Variants in AGBL1 observed in about 807,000 individuals in gnomAD.
The protein encoded by AGBL1 is cytosolic carboxypeptidase 4.
A neutral mutation model predicts 118.9 loss-of-function variants in AGBL1; 130 were observed. The ratio of observed to expected loss-of-function variants is 1.09; its 90% CI spans 0.95 to 1.26. The LOEUF (loss-of-function observed/expected upper bound fraction) is 1.26, where lower values mean the gene tolerates loss of function less well. Among genes scored for constraint, AGBL1 ranks in the 50% most tolerant of loss-of-function variants. AGBL1 has a pLI of 0.00. For synonymous variants in AGBL1, 555 were observed against 478.9 expected, an observed-to-expected ratio of 1.16 and a Z score of -2.08; for missense variants, 1,584 against 1,298.1, an observed-to-expected ratio of 1.22 and a Z score of -3.38.
At chr15:86,540,236 A>G (rs934804464) in intron 19 of AGBL1, among the ~76,000 whole-genome samples, 2 of 152,142 alleles carry the variant, frequency 1.3e-5, no homozygotes, top group African/African-American at 4.8e-5. Context: ...TAAAATTTTA[A>G]CTTCTCCTAT....
intron 17 of AGBL1, among the ~76,000 whole-genome samples, chr15:86,352,707 C>T (rs958641703): frequency 6.6e-6 from 1 of 152,146 alleles, no homozygotes; most frequent in Non-Finnish European, 1.5e-5. Context: ...GTCTCGAACT[C>T]TTGACCTCAA....
At chr15:86,579,656 A>G (rs1357535884) in intron 21 of AGBL1, among the ~76,000 whole-genome samples, 2 of 152,220 alleles carry the variant, frequency 1.3e-5, no homozygotes, top group Non-Finnish European at 2.9e-5. Context: ...GTAAGAATCC[A>G]TTGATAAGAT....
intron 17 of AGBL1, among the ~76,000 whole-genome samples, chr15:86,380,622 C>T (rs16976564): frequency 0.32 from 47,423 of 149,454 alleles, 8,149 homozygotes; most frequent in East Asian, 0.72. Context: ...ATTCTCTCTG[C>T]TTCTTTGGTG....
In AGBL1 at chr15:86,613,964, TG is replaced by T. The variant is rs1567083979; in HGVS notation, c.2994+59431del. ...ATTCCTTTCCATCTCCTAAGGGAGG[TG>T]GGGTAATGTGCTGCTGCAAACTTTG... is the stretch of plus-strand genomic sequence containing the variant. On this transcript the variant is annotated intron_variant, in intron 21 of 22. Transcript: ENST00000614907. The surrounding 1 kb of genome is among the most constrained non-coding windows in gnomAD (Gnocchi z 4.2). Among the ~76,000 whole-genome samples the T allele has an allele frequency of 6.6e-6, 1 of 151,964 alleles. No homozygotes were observed. Among genetic ancestry groups the T allele is most frequent in the African/African-American group, 2.4e-5 (1 of 41,350 alleles).
rs927337707 is a variant in AGBL1, at chr15:86,886,503, T to C, written c.3159-20584T>C. Among the ~76,000 whole-genome samples the C allele has an allele frequency of 5.3e-5, 8 of 152,176 alleles. No individual in the cohort carries two copies. In the East Asian group the frequency reaches 1.5e-3, roughly 29 times the overall value. ...TTAAAGAAGAGAATTATTCTGCCTT[T>C]CTTTAATTAGCATTTGTTTTGGGCA... On this transcript the variant is annotated intron_variant, in intron 22 of 22. Transcript: ENST00000614907.
chr15:86,289,946 C>G (rs1260649754), intron 16 of AGBL1, among the ~76,000 whole-genome samples: 1 of 152,194 alleles, frequency 6.6e-6, no homozygotes, highest in Non-Finnish European at 1.5e-5. Flanking sequence ...GCAATAAACT[C>G]AACTCTGTTT....
chr15:86,344,284 C>T (rs1272062221), intron 17 of AGBL1, among the ~76,000 whole-genome samples: 1 of 152,186 alleles, frequency 6.6e-6, no homozygotes, highest in Non-Finnish European at 1.5e-5. Flanking sequence ...CAATGAATGG[C>T]AGCAGCGTTC....
chr15:86,554,607 A>G, intron 21 of AGBL1, 70 bp downstream of exon 21: 7 of 1,341,224 alleles, frequency 5.2e-6, no homozygotes, highest in Non-Finnish European at 6.7e-6. Flanking sequence ...GACAGCTCGT[A>G]CCTGCTTTCT....
chr15:86,769,202 G>GGAGAGAGA (rs56130631), intron 22 of AGBL1, among the ~76,000 whole-genome samples: 1 of 143,652 alleles, frequency 7.0e-6, no homozygotes, highest in East Asian at 2.1e-4. Flanking sequence ...AGAGAAAGAG[G>GGAGAGAGA]GAGAGAGAGA....
chr15:86,894,000 T>C (rs1361393038), intron 22 of AGBL1, among the ~76,000 whole-genome samples: 1 of 152,220 alleles, frequency 6.6e-6, no homozygotes, highest in Non-Finnish European at 1.5e-5. Context: ...ATTACTTATC[T>C]GACTCTAATT....
rs554513025 is a variant in AGBL1, at chr15:86,458,067, G to A, written c.2555+60521G>A. ...TTTGGAAGCCAAATACACTGTCCCCGTATATTGCCACTTGAAAAAAATGAG... is the reference window on the plus strand; with the variant it reads ...TTTGGAAGCCAAATACACTGTCCCCATATATTGCCACTTGAAAAAAATGAG... On this transcript the variant is annotated intron_variant, in intron 18 of 22. Transcript: ENST00000614907. Among the ~76,000 whole-genome samples the A allele has an allele frequency of 5.8e-5, 6 of 103,034 alleles. No homozygotes were observed. The East Asian group carries it at 8.6e-4, about 15-fold the overall frequency. 67.6% of individuals were successfully genotyped at this position (103,034 alleles called of 152,430 possible).
chr15:86,458,953 G>A (rs1022286575), intron 18 of AGBL1, among the ~76,000 whole-genome samples: 3 of 152,154 alleles, frequency 2.0e-5, no homozygotes, highest in Admixed American at 6.6e-5. Context: ...TACATGTCTC[G>A]TTAATTACTA....
chr15:86,177,955 A>G (rs1262945086), intron 5 of AGBL1, among the ~76,000 whole-genome samples: 1 of 152,194 alleles, frequency 6.6e-6, no homozygotes, highest in Non-Finnish European at 1.5e-5. Flanking sequence ...AAATAAAATT[A>G]CAAATAGAAA....
At chr15:86,338,387 C>T (rs990724289) in intron 17 of AGBL1, among the ~76,000 whole-genome samples, 2 of 152,098 alleles carry the variant, frequency 1.3e-5, no homozygotes, top group African/African-American at 4.8e-5. Flanking sequence ...TTTCTGCAGA[C>T]ACTGGTAGCA....
intron 17 of AGBL1, among the ~76,000 whole-genome samples, chr15:86,387,282 T>C (rs1270825863): frequency 1.3e-5 from 2 of 152,046 alleles, no homozygotes; most frequent in African/African-American, 4.8e-5. Flanking sequence ...TTGGGAATAG[T>C]AAAAATCAGA....
At chr15:86,367,634 T>C (rs1274385587) in intron 17 of AGBL1, among the ~76,000 whole-genome samples, 1 of 151,688 alleles carries the variant, frequency 6.6e-6, no homozygotes, top group Non-Finnish European at 1.5e-5. Context: ...AAGAGATGCA[T>C]GGTAGGGAGG....
intron 23 of AGBL1, among the ~76,000 whole-genome samples, chr15:86,929,560 G>A (rs1032160652): frequency 5.3e-5 from 8 of 151,750 alleles, no homozygotes; most frequent in Non-Finnish European, 1.2e-4. Flanking sequence ...CTAATGCTCT[G>A]GAATGAAGAG....
chr15:86,323,912 T>A (rs919108519), intron 17 of AGBL1, among the ~76,000 whole-genome samples: 1 of 152,210 alleles, frequency 6.6e-6, no homozygotes. Context: ...ACTTGCTTTT[T>A]GGAAAGGATG....
chr15:86,565,461 C>G (rs867679160), intron 21 of AGBL1, among the ~76,000 whole-genome samples: 1 of 152,228 alleles, frequency 6.6e-6, no homozygotes, highest in Non-Finnish European at 1.5e-5. Context: ...TGCTGAACAG[C>G]AAATGTTGCT....
Sources: gnomAD v4.1 joint callset for allele counts (sites outside exome capture counted in the v4.1 genomes callset) on GRCh38, gnomAD v4.1.1 for gene constraint, Gnocchi (gnomAD v3.1) non-coding constraint, MANE v1.5 for transcripts, NCBI Gene and HGNC (gene_info 2026-07-23, HGNC 2026-07-21) for gene names.